MYH10: variants seen among roughly 807,000 people sequenced by gnomAD.
MYH10 encodes the protein myosin heavy chain 10.
In MYH10, 55 loss-of-function variants were observed where a neutral mutation model predicts 257.8. The ratio of observed to expected loss-of-function variants is 0.21; its 90% confidence interval spans 0.17 to 0.27. MYH10 has a LOEUF of 0.27. MYH10 is among the 10% of genes least tolerant of loss of function. The probability of loss-of-function intolerance (pLI) is 1.00; values close to 1 mark genes in which losing one functional copy is unlikely to be tolerated. For synonymous variants in MYH10, 854 were observed against 921.7 expected, an observed-to-expected ratio of 0.93 and a Z score of 1.33; for missense variants, 1,631 against 2,500.6, an observed-to-expected ratio of 0.65 and a Z score of 7.42.
At chr17:8,480,082 T>C (rs774651395) in intron 40 of MYH10, 28 bp downstream of exon 40, 40 of 1,610,996 alleles carry the variant, frequency 2.5e-5, no homozygotes, top group Non-Finnish European at 3.0e-5. Context: ...TTGGTAAGTT[T>C]TGGTTTACGG....
intron 38 of MYH10, chr17:8,480,741 C>A: frequency 1.6e-6 from 1 of 623,420 alleles, no homozygotes; most frequent in South Asian, 1.8e-5. Context: ...GCAGGCCTGT[C>A]ATCTCTCACC....
chr17:8,483,885 A>G (rs1326039629), intron 37 of MYH10, among the ~76,000 whole-genome samples: 5 of 152,170 alleles, frequency 3.3e-5, no homozygotes, highest in African/African-American at 1.2e-4. Context: ...CTGAAAAGCT[A>G]CTCATCAGCT....
In MYH10 at chr17:8,535,170, C is replaced by T. The variant is rs1037613072; in HGVS notation, c.1894+217G>A. ...CTAGAATGTTTCTGTACTCCTACAA[C>T]ATCTGACCAAGAAGGTAGCTGTCTC... On this transcript the variant is annotated intron_variant, in intron 16 of 42. Coordinates refer to ENST00000360416, the MANE Select transcript of MYH10 (RefSeq NM_001256012.3). The surrounding 1 kb of genome is among the most constrained non-coding windows in gnomAD (Gnocchi z 4.3). Among the ~76,000 whole-genome samples the T allele has an allele frequency of 2.6e-5, 4 of 152,178 alleles. No homozygotes were observed. Among genetic ancestry groups the T allele is most frequent in the African/African-American group, 9.7e-5 (4 of 41,444 alleles).
chr17:8,565,694 T>TGGAAGGTGGCACTTC (rs2083144026), intron 7 of MYH10, among the ~76,000 whole-genome samples: 3 of 152,266 alleles, frequency 2.0e-5, no homozygotes, highest in East Asian at 1.9e-4. Context: ...GCAGGCACTT[T>TGGAAGGTGGCACTTC]GGAAGGTGGC....
chr17:8,476,963 C>T lies in MYH10; in HGVS notation c.5792G>A (p.Arg1931Gln). Residue 1931 changes from arginine to glutamine, a missense_variant, in exon 42 of 43, where the codon CGG becomes CAG. Around this residue, in one of 11 missense-constraint regions of MYH10, gnomAD observed 343 missense variants for 389.5 expected, o/e 0.88. Coordinates refer to ENST00000360416, the MANE Select transcript of MYH10 (RefSeq NM_001256012.3). Reference sequence around the variant, plus strand: ...ATCCAGTTCCCGCTGGAGTTTACGCCGAGATGCGTTGGCACGCGTCGCTTC... The same window carrying T: ...ATCCAGTTCCCGCTGGAGTTTACGCTGAGATGCGTTGGCACGCGTCGCTTC... ...EEEATRANAS[R>Q]RKLQRELDDA... is the part of the protein sequence containing the mutation. 2.5e-6 allele frequency: 4 copies of T among 1,614,084 alleles called. No individual in the cohort carries two copies. Among genetic ancestry groups the T allele is most frequent in the Non-Finnish European group, 3.4e-6 (4 of 1,180,048 alleles).
In MYH10 at chr17:8,623,782, GTTC is replaced by G. The variant is rs1258636303; in HGVS notation, c.-31-508_-31-506del. Among the ~76,000 whole-genome samples the G allele has an allele frequency of 3.9e-5, 6 of 152,254 alleles. No individual in the cohort carries two copies. The East Asian group carries it at 9.7e-4, about 24-fold the overall frequency. ...TCTACCCTCAGATAACAGACTTAAA[GTTC>G]TTCTTATGAATAACCCAAATCAGTC... On this transcript the variant is annotated intron_variant, in intron 1 of 42. Coordinates refer to ENST00000360416, the MANE Select transcript of MYH10 (RefSeq NM_001256012.3).
At chr17:8,613,066 A>G (rs949120632) in intron 2 of MYH10, among the ~76,000 whole-genome samples, 21 of 152,186 alleles carry the variant, frequency 1.4e-4, no homozygotes, top group African/African-American at 4.8e-4. Flanking sequence ...AATTTTAGAG[A>G]CAGCCAGTGG....
Position 8,500,785 on chromosome 17 carries a change from G to T in MYH10, c.3744+41C>A, listed in dbSNP as rs1469369454. The T allele has an allele frequency of 8.8e-6, 14 of 1,597,990 alleles. No homozygotes were observed. The East Asian group carries it at 3.1e-4, about 36-fold the overall frequency. ...TAGGATGGGAGTGGCTCTGACGACA[G>T]ACTTTCTCCAGGCCACAGCACACGG... On this transcript the variant is annotated intron_variant, in intron 29 of 42. Coordinates refer to ENST00000360416, the MANE Select transcript of MYH10 (RefSeq NM_001256012.3).
At chr17:8,609,870 CTTCT>C (rs1166730273) in intron 2 of MYH10, among the ~76,000 whole-genome samples, 1 of 151,592 alleles carries the variant, frequency 6.6e-6, no homozygotes, top group Admixed American at 6.6e-5. Flanking sequence ...GTTGCTATTG[CTTCT>C]TTGAGAGAAA....
chr17:8,528,094 A>G (rs984772154), intron 17 of MYH10, among the ~76,000 whole-genome samples: 4 of 152,214 alleles, frequency 2.6e-5, no homozygotes, highest in African/African-American at 4.8e-5. Flanking sequence ...TTGCTCTGCT[A>G]GTACACTCTT....
chr17:8,511,035 TATATATATATATATATATATATATACAC>T (rs1458365069), intron 24 of MYH10: 13 of 51,792 alleles, frequency 2.5e-4, no homozygotes, highest in African/African-American at 1.2e-3. Context: ...TATATATATA[TATATATATATATATATATATATATACAC>T]ACATACATAC....
chr17:8,522,303 T>A (rs1233265347), intron 17 of MYH10, among the ~76,000 whole-genome samples: 3 of 152,220 alleles, frequency 2.0e-5, no homozygotes, highest in Admixed American at 2.0e-4. Flanking sequence ...TCTCATTCAA[T>A]TATCAATTTC....
chr17:8,574,667 T>C (rs756289153), intron 6 of MYH10, among the ~76,000 whole-genome samples: 4 of 152,266 alleles, frequency 2.6e-5, no homozygotes, highest in Non-Finnish European at 5.9e-5. Context: ...GATAAAATGC[T>C]GGATGTACAC....
intron 21 of MYH10, among the ~76,000 whole-genome samples, chr17:8,518,104 C>CGTGTGTGTGTGTGT (rs58352961): frequency 4.3e-4 from 50 of 116,574 alleles, no homozygotes; most frequent in South Asian, 1.6e-3. Flanking sequence ...CCCTTGGCCC[C>CGTGTGTGTGTGTGT]GTGTGTGTGT....
At chr17:8,627,978 C>T (rs943183770) in intron 1 of MYH10, among the ~76,000 whole-genome samples, 3 of 152,196 alleles carry the variant, frequency 2.0e-5, no homozygotes, top group African/African-American at 4.8e-5. Flanking sequence ...CTCCAGAGTA[C>T]ACACTACAAT....
intron 4 of MYH10, among the ~76,000 whole-genome samples, chr17:8,582,754 C>G (rs189977260): frequency 5.9e-5 from 9 of 152,356 alleles, no homozygotes; most frequent in East Asian, 1.9e-4. Flanking sequence ...ATCATTAATA[C>G]GTGACCAATT....
intron 9 of MYH10, among the ~76,000 whole-genome samples, chr17:8,551,713 A>G (rs1427140345): frequency 6.6e-6 from 1 of 152,170 alleles, no homozygotes; most frequent in Non-Finnish European, 1.5e-5. Flanking sequence ...ATTCTACTTA[A>G]TTTCATTAGG....
In MYH10 at chr17:8,609,158, A is replaced by T. The variant is rs190604937; in HGVS notation, c.346-4176T>A. On this transcript the variant is annotated intron_variant, in intron 2 of 42. Transcript: ENST00000360416. ...GAAGTGCCCGGCCTCTGTTTAAGAA[A>T]GCAGGGCTATGTATATGCATTGTTT... is the stretch of plus-strand genomic sequence containing the variant. Among the ~76,000 whole-genome samples, 197 of 152,362 alleles carry T rather than the reference A, an allele frequency of 1.3e-3. 1 individual carries two copies. The highest frequency in any genetic ancestry group is 6.8e-3 in the Middle Eastern group (2 of 294).
chr17:8,553,572 ATTACT>A (rs1206196967), intron 8 of MYH10, among the ~76,000 whole-genome samples: 1 of 152,112 alleles, frequency 6.6e-6, no homozygotes, highest in Non-Finnish European at 1.5e-5. Flanking sequence ...ACTAATTGAG[ATTACT>A]TTAACTCTGT....
Sources: gnomAD v4.1 joint callset for allele counts (sites outside exome capture counted in the v4.1 genomes callset) on GRCh38, gnomAD v4.1.1 for gene constraint, gnomAD v4.1.1 regional missense constraint, Gnocchi (gnomAD v3.1) non-coding constraint, MANE v1.5 for transcripts, NCBI Gene and HGNC (gene_info 2026-07-23, HGNC 2026-07-21) for gene names.